The following CERS3 variants were observed in gnomAD, a reference collection of about 807,000 sequenced individuals.
The protein encoded by CERS3 is LAG1 homolog, ceramide synthase 3.
Under a neutral mutation model 50.3 loss-of-function variants are expected in CERS3, and 33 were observed. The ratio of observed to expected loss-of-function variants is 0.66; its 90% CI spans 0.50 to 0.88. The LOEUF (loss-of-function observed/expected upper bound fraction) is 0.88, where lower values mean the gene tolerates loss of function less well. Among genes scored for constraint, CERS3 ranks in the 40% least tolerant of loss-of-function variants. The probability of loss-of-function intolerance (pLI) is 0.00; values close to 1 mark genes in which losing one functional copy is unlikely to be tolerated. For missense variants in CERS3, 470 were observed against 460.3 expected (o/e 1.02, Z -0.19); for synonymous variants, 176 against 155.2 (o/e 1.13, Z -0.99).
intron 11 of CERS3, chr15:100,408,538 A>G (rs1029898782): frequency 1.3e-5 from 2 of 152,150 alleles, no homozygotes; most frequent in Non-Finnish European, 2.9e-5. Context: ...CTTATAAGTA[A>G]ATTATATAAC....
chr15:100,452,820 C>A lies in CERS3; in HGVS notation c.999+3073G>T, dbSNP rs115745589. 1.7e-3 allele frequency among the ~76,000 whole-genome samples: 255 copies of A among 152,102 alleles called. 1 individual carries two copies. Among genetic ancestry groups the A allele is most frequent in the African/African-American group, 5.9e-3 (246 of 41,514 alleles). The stretch of plus-strand genomic sequence containing the variant: ...AATCAGAAACAAAAAAGACACATTA[C>A]AATTGATACCACAGAAATATAAAGA... On this transcript the variant is annotated intron_variant, in intron 11 of 11. Transcript: ENST00000679737.
At chr15:100,532,322 A>G (rs567687021), upstream of CERS3, among the ~76,000 whole-genome samples, 5 of 152,322 alleles carry the variant, frequency 3.3e-5, no homozygotes, top group South Asian at 1.0e-3. Flanking sequence ...GAAACTTAAC[A>G]TATACAGTTT....
rs372751218 is a variant in CERS3 at position 100,509,289 on chromosome 15, A to C, written c.-1-7439T>G. Among the ~76,000 whole-genome samples the C allele has an allele frequency of 2.6e-4, 39 of 152,354 alleles. 1 individual carries two copies. The highest frequency in any genetic ancestry group is 9.4e-4 in the African/African-American group (39 of 41,578). On this transcript the variant is annotated intron_variant, in intron 2 of 11. Transcript: ENST00000679737. ...CAAGTTTATCACTATTTGAAGCAAC[A>C]TTTTTGTAAAGTATTAAAAAATATG...
chr15:100,506,461 A>AC lies in CERS3; in HGVS notation c.-1-4612dup, dbSNP rs376107005. Among the ~76,000 whole-genome samples, 116 of 30,434 alleles carry AC rather than the reference A, an allele frequency of 3.8e-3. 7 individuals are homozygous for AC. The highest frequency in any genetic ancestry group is 6.6e-3 in the South Asian group (5 of 756). The allele number at this position is 30,434 out of a possible 152,430, so 20.0% of individuals were successfully genotyped here. A position where few individuals can be genotyped will look rare whatever the true frequency, so the allele number is the denominator to read the frequency against. On this transcript the variant is annotated intron_variant, in intron 2 of 11. Transcript: ENST00000679737. ...GCTGACGGGGTGTGAAGAAATCGGG[A>AC]CCCCCCCGCCGCCCCACACACACAC... is the stretch of plus-strand genomic sequence containing the variant.
intron 11 of CERS3, among the ~76,000 whole-genome samples, chr15:100,417,551 T>C (rs12594871): frequency 6.6e-5 from 10 of 151,710 alleles, no homozygotes; most frequent in Admixed American, 5.2e-4. Flanking sequence ...TAAAGCAGCC[T>C]GGAAGCTCGA....
chr15:100,501,971 G>T, intron 2 of CERS3, 121 bp from the exon 3 acceptor site: 1 of 999,750 alleles, frequency 1.0e-6, no homozygotes. Context: ...AAGAGGCCTA[G>T]CGCAGTGGCT....
intron 4 of CERS3, among the ~76,000 whole-genome samples, chr15:100,489,076 CT>C (rs35425615): frequency 5.9e-5 from 9 of 151,842 alleles, no homozygotes; most frequent in Non-Finnish European, 8.8e-5. Context: ...CGCCCAGCCA[CT>C]TTTTTTTTCC....
chr15:100,459,452 T>C (rs1366170463), intron 10 of CERS3, among the ~76,000 whole-genome samples: 2 of 152,110 alleles, frequency 1.3e-5, no homozygotes, highest in Admixed American at 6.6e-5. Context: ...TACGGCACAA[T>C]ACCTGGCCAA....
intron 2 of CERS3, among the ~76,000 whole-genome samples, chr15:100,505,269 C>T (rs2036144403): frequency 6.6e-6 from 1 of 152,180 alleles, no homozygotes; most frequent in Admixed American, 6.5e-5. Flanking sequence ...CAAGGCAGTA[C>T]AGATTATTTT....
chr15:100,532,458 A>G (rs1482033457), upstream of CERS3, among the ~76,000 whole-genome samples: 1 of 152,188 alleles, frequency 6.6e-6, no homozygotes, highest in East Asian at 1.9e-4. Context: ...CCACAGACAG[A>G]AATTTAAGTC....
At chr15:100,517,018 C>T (rs868331131) in intron 2 of CERS3, among the ~76,000 whole-genome samples, 2 of 152,192 alleles carry the variant, frequency 1.3e-5, no homozygotes, top group African/African-American at 4.8e-5. Context: ...TTAGGGTAAG[C>T]GATGTTTTCT....
chr15:100,476,242 C>G, intron 7 of CERS3, 64 bp from the exon 8 acceptor site: 1 of 969,596 alleles, frequency 1.0e-6, no homozygotes, highest in Non-Finnish European at 1.5e-6. Flanking sequence ...TTTTAATGCA[C>G]TAAAACCTCC....
intron 11 of CERS3, among the ~76,000 whole-genome samples, chr15:100,455,496 C>G (rs1287304022): frequency 6.6e-6 from 1 of 152,064 alleles, no homozygotes; most frequent in African/African-American, 2.4e-5. Context: ...GATAAATACT[C>G]AAGATGATGG....
intron 11 of CERS3, among the ~76,000 whole-genome samples, chr15:100,423,185 T>C (rs1278542501): frequency 6.6e-6 from 1 of 152,192 alleles, no homozygotes. Flanking sequence ...GTGAATTAGT[T>C]TGGCCACTGT....
chr15:100,501,932 C>G, intron 2 of CERS3, 82 bp from the exon 3 acceptor site: 1 of 1,419,644 alleles, frequency 7.0e-7, no homozygotes, highest in South Asian at 1.3e-5. Flanking sequence ...GCTCAAAATG[C>G]CAGATCCAGA....
At chr15:100,534,325 C>G (rs1276076988) in intron 1 of CERS3, among the ~76,000 whole-genome samples, 1 of 152,072 alleles carries the variant, frequency 6.6e-6, no homozygotes, top group East Asian at 1.9e-4. Context: ...TCAGGTTTCT[C>G]AACTGCAAAA....
chr15:100,487,031 A>G (rs570038950), intron 4 of CERS3, among the ~76,000 whole-genome samples: 2 of 152,306 alleles, frequency 1.3e-5, no homozygotes, highest in East Asian at 3.9e-4. Context: ...CAGTCTTGTC[A>G]ATACTGGCCT....
intron 10 of CERS3, among the ~76,000 whole-genome samples, chr15:100,460,427 A>G (rs989302): frequency 0.46 from 69,368 of 151,994 alleles, 16,799 homozygotes; most frequent in Non-Finnish European, 0.54. Context: ...TGGTACCCAC[A>G]TTTATTTATA....
At chr15:100,426,329 G>C (rs937537918) in intron 11 of CERS3, among the ~76,000 whole-genome samples, 2 of 152,150 alleles carry the variant, frequency 1.3e-5, no homozygotes, top group Admixed American at 6.5e-5. Context: ...AATATGAATA[G>C]TCTTATAATG....
Sources: allele counts gnomAD v4.1 joint callset (sites outside exome capture counted in the v4.1 genomes callset), GRCh38; gene constraint gnomAD v4.1.1; transcripts MANE v1.5; gene names NCBI Gene and HGNC (gene_info 2026-07-23, HGNC 2026-07-21).